TRABD2B: variants seen among roughly 807,000 people sequenced by gnomAD.
TRABD2B encodes the protein TraB domain containing 2B.
Under a neutral mutation model 40.1 loss-of-function variants are expected in TRABD2B, and 14 were observed. The observed-to-expected ratio is 0.35, with a 90% CI of 0.23 to 0.55. The LOEUF (loss-of-function observed/expected upper bound fraction) is 0.55, where lower values mean the gene tolerates loss of function less well. TRABD2B is among the 20% of genes least tolerant of loss of function. The probability of loss-of-function intolerance (pLI) is 0.90; values close to 1 mark genes in which losing one functional copy is unlikely to be tolerated. For synonymous variants in TRABD2B, 263 were observed against 277.0 expected (o/e 0.95, Z 0.50); for missense variants, 541 against 648.6 (o/e 0.83, Z 1.80).
intron 6 of TRABD2B, among the ~76,000 whole-genome samples, chr1:47,772,128 G>C (rs1164364838): frequency 6.6e-6 from 1 of 151,966 alleles, no homozygotes; most frequent in Non-Finnish European, 1.5e-5. Context: ...TGATGACAGC[G>C]ACCCTTAGGG....
intron 5 of TRABD2B, among the ~76,000 whole-genome samples, chr1:47,775,755 C>T (rs913388168): frequency 6.6e-6 from 1 of 152,156 alleles, no homozygotes; most frequent in Non-Finnish European, 1.5e-5. Flanking sequence ...CATTCCAAAG[C>T]AGCAGACAGA....
intron 2 of TRABD2B, among the ~76,000 whole-genome samples, chr1:47,893,264 A>G (rs972047691): frequency 2.0e-5 from 3 of 152,094 alleles, no homozygotes; most frequent in Non-Finnish European, 4.4e-5. Context: ...ACAAAAACTG[A>G]TTTGCTTCCT....
chr1:47,818,627 AG>A (rs1645066366), intron 2 of TRABD2B: 1 of 152,238 alleles, frequency 6.6e-6, no homozygotes, highest in African/African-American at 2.4e-5. Context: ...CATTAATTCC[AG>A]GGGAGGGTGC....
intron 2 of TRABD2B, among the ~76,000 whole-genome samples, chr1:47,912,462 C>T (rs774593776): frequency 1.3e-5 from 2 of 152,106 alleles, no homozygotes; most frequent in South Asian, 2.1e-4. Flanking sequence ...AAAACCCAGC[C>T]GTCTTTTGGT....
At chr1:47,903,001 G>C (rs902104620) in intron 2 of TRABD2B, among the ~76,000 whole-genome samples, 8 of 152,062 alleles carry the variant, frequency 5.3e-5, no homozygotes, top group African/African-American at 1.9e-4. Flanking sequence ...CTTCTGCCTG[G>C]AAAGTCATTC....
At chr1:47,815,256 T>G (rs1255157899) in intron 2 of TRABD2B, among the ~76,000 whole-genome samples, 1 of 152,176 alleles carries the variant, frequency 6.6e-6, no homozygotes, top group Non-Finnish European at 1.5e-5. Context: ...TGAGCACAGA[T>G]CTGCTTACAC....
At chr1:47,801,367 A>C (rs1644820667) in intron 3 of TRABD2B, 106 bp downstream of exon 3, 2 of 1,234,242 alleles carry the variant, frequency 1.6e-6, no homozygotes, top group Admixed American at 4.7e-5. Flanking sequence ...AAGGGGAATA[A>C]CGATAGCTCC....
chr1:47,918,824 C>A (rs897911856), intron 2 of TRABD2B, among the ~76,000 whole-genome samples: 1 of 152,260 alleles, frequency 6.6e-6, no homozygotes, highest in African/African-American at 2.4e-5. Flanking sequence ...AGAACTCGAT[C>A]TGAGCCACAG....
In TRABD2B at chr1:47,816,990, G is replaced by A. The variant is rs150559208; in HGVS notation, c.667-15371C>T. On this transcript the variant is annotated intron_variant, in intron 2 of 6. Transcript: ENST00000606738. ...CTACCGACTTCTCTGCAGATGTAACGAGAGTGGGGGCTATGTCAGCTTTAC... is the reference window on the plus strand; with the variant it reads ...CTACCGACTTCTCTGCAGATGTAACAAGAGTGGGGGCTATGTCAGCTTTAC... Among the ~76,000 whole-genome samples, 481 of 152,246 alleles carry A rather than the reference G, an allele frequency of 3.2e-3. 3 individuals carry two copies. Among genetic ancestry groups the A allele is most frequent in the African/African-American group, 0.011 (460 of 41,538 alleles).
intron 4 of TRABD2B, among the ~76,000 whole-genome samples, chr1:47,783,767 C>T (rs891144165): frequency 5.9e-5 from 9 of 152,112 alleles, no homozygotes; most frequent in African/African-American, 1.9e-4. Context: ...GAGCACAGGC[C>T]AAGGCCAGAT....
At chr1:47,841,786 CTTTTT>C (rs780669674) in intron 2 of TRABD2B, among the ~76,000 whole-genome samples, 1 of 136,466 alleles carries the variant, frequency 7.3e-6, no homozygotes, top group Non-Finnish European at 1.6e-5. Flanking sequence ...TTTTCTTTTT[CTTTTT>C]TTTTTTTTTT....
Position 47,775,250 on chromosome 1 carries a change from C to T in TRABD2B, c.1269G>A (p.Arg423=). The T allele has an allele frequency of 8.0e-7, 1 of 1,253,940 alleles. No homozygotes were observed. Among genetic ancestry groups the T allele is most frequent in the Non-Finnish European group, 1.0e-6 (1 of 997,150 alleles). The allele number at this position is 1,253,940 out of a possible 1,614,324, so 77.7% of individuals were successfully genotyped here. A position where few individuals can be genotyped will look rare whatever the true frequency, so the allele number is the denominator to read the frequency against. The part of the protein sequence containing the change: ...DSLSQLEEFG[R]QRKWHKRQST... Reference sequence around the variant, plus strand: ...TCTGCCTCTTGTGCCACTTCCTCTGCCGGCCAAACTCCTCCAGCTGGCTGA... The same window carrying T: ...TCTGCCTCTTGTGCCACTTCCTCTGTCGGCCAAACTCCTCCAGCTGGCTGA... The change falls in exon 6 of 7, where the codon CGG becomes CGA. Residue 423 remains arginine (R), a synonymous_variant. Coordinates refer to ENST00000606738, the MANE Select transcript of TRABD2B (RefSeq NM_001194986.2).
intron 2 of TRABD2B, among the ~76,000 whole-genome samples, chr1:47,875,490 C>T (rs1476565261): frequency 6.6e-6 from 1 of 151,696 alleles, no homozygotes; most frequent in Non-Finnish European, 1.5e-5. Flanking sequence ...AGTTCAAGAC[C>T]AGCCTGGGCA....
At chr1:47,978,130 A>G (rs993143865) in intron 2 of TRABD2B, among the ~76,000 whole-genome samples, 2 of 152,124 alleles carry the variant, frequency 1.3e-5, no homozygotes, top group African/African-American at 4.8e-5. Context: ...GGAGGTCATT[A>G]GGTCTTGAGA....
chr1:47,840,943 T>C (rs1195943632), intron 2 of TRABD2B, among the ~76,000 whole-genome samples: 3 of 152,122 alleles, frequency 2.0e-5, no homozygotes, highest in East Asian at 1.9e-4. Flanking sequence ...GCTGGACCCA[T>C]GTGACAGGGA....
intron 2 of TRABD2B, among the ~76,000 whole-genome samples, chr1:47,928,126 T>C (rs1179836204): frequency 6.6e-6 from 1 of 152,168 alleles, no homozygotes. Context: ...CCCCTTCATG[T>C]TACCAGTGAA....
intron 2 of TRABD2B, among the ~76,000 whole-genome samples, chr1:47,842,585 A>G (rs962711635): frequency 2.6e-5 from 4 of 152,124 alleles, no homozygotes; most frequent in African/African-American, 9.7e-5. Context: ...TAACACAACA[A>G]GTACGCAGCC....
At chr1:47,794,418 C>T (rs981282785) in intron 4 of TRABD2B, among the ~76,000 whole-genome samples, 168 bp downstream of exon 4, 1 of 152,072 alleles carries the variant, frequency 6.6e-6, no homozygotes, top group African/African-American at 2.4e-5. Flanking sequence ...ACCCTTGACC[C>T]GAATCAGGAG....
intron 4 of TRABD2B, among the ~76,000 whole-genome samples, chr1:47,781,670 C>G (rs11211602): frequency 0.046 from 7,032 of 152,334 alleles, 458 homozygotes; most frequent in East Asian, 0.29. Flanking sequence ...AAGCCACACT[C>G]ACCTTCCTTT....
Sources: allele counts gnomAD v4.1 joint callset (sites outside exome capture counted in the v4.1 genomes callset), GRCh38; gene constraint gnomAD v4.1.1; transcripts MANE v1.5; gene names NCBI Gene and HGNC (gene_info 2026-07-23, HGNC 2026-07-21).